The following HCN1 variants were observed in gnomAD, a reference collection of about 807,000 sequenced individuals.
HCN1 encodes hyperpolarization activated cyclic nucleotide gated potassium channel 1.
In HCN1, 13 loss-of-function variants were observed where a neutral mutation model predicts 78.9. The observed-to-expected ratio is 0.16, with a 90% CI of 0.11 to 0.26. The LOEUF (loss-of-function observed/expected upper bound fraction) is 0.26, where lower values mean the gene tolerates loss of function less well. Among genes scored for constraint, HCN1 ranks in the 10% least tolerant of loss-of-function variants. HCN1 has a pLI of 1.00. For missense variants in HCN1, 810 were observed against 1,154.3 expected (o/e 0.70, Z 4.32); for synonymous variants, 552 against 455.5 (o/e 1.21, Z -2.70).
chr5:45,595,685 T>C (rs72762080), intron 2 of HCN1, among the ~76,000 whole-genome samples: 21 of 152,272 alleles, frequency 1.4e-4, no homozygotes, highest in Non-Finnish European at 1.3e-4. Flanking sequence ...ATGCTGGCTC[T>C]TCCCCTTAAG....
intron 2 of HCN1, among the ~76,000 whole-genome samples, chr5:45,503,317 A>G (rs1742228562): frequency 6.6e-6 from 1 of 152,190 alleles, no homozygotes; most frequent in South Asian, 2.1e-4. Context: ...TTTTGAAGTT[A>G]GCAAACTCCA....
At chr5:45,336,635 G>T (rs1746462710) in intron 5 of HCN1, among the ~76,000 whole-genome samples, 1 of 152,152 alleles carries the variant, frequency 6.6e-6, no homozygotes, top group South Asian at 2.1e-4. Flanking sequence ...TGTAGCAATG[G>T]TTTTATCCAA....
intron 1 of HCN1, 47 bp from the exon 2 acceptor site, chr5:45,645,655 G>A (rs1745534570): frequency 2.4e-6 from 3 of 1,256,976 alleles, no homozygotes; most frequent in South Asian, 1.3e-5. Flanking sequence ...AAAATAACCA[G>A]CCTATCCCCC....
intron 3 of HCN1, among the ~76,000 whole-genome samples, chr5:45,422,719 T>A (rs1740252960): frequency 6.6e-6 from 1 of 152,212 alleles, no homozygotes; most frequent in South Asian, 2.1e-4. Context: ...AGCAATAGTT[T>A]TTTTATTCAC....
chr5:45,327,342 T>G (rs1276780726), intron 5 of HCN1, among the ~76,000 whole-genome samples: 1 of 151,716 alleles, frequency 6.6e-6, no homozygotes, highest in Non-Finnish European at 1.5e-5. Context: ...AAGACTTAAT[T>G]CTGTGAGAAA....
intron 3 of HCN1, among the ~76,000 whole-genome samples, chr5:45,439,221 T>A (rs1054384927): frequency 6.6e-6 from 1 of 152,108 alleles, no homozygotes; most frequent in African/African-American, 2.4e-5. Context: ...ATATTTTCCT[T>A]ATGAATTTTA....
At chr5:45,376,059 CAATAT>C (rs1482081079) in intron 4 of HCN1, among the ~76,000 whole-genome samples, 1 of 104,768 alleles carries the variant, frequency 9.5e-6, no homozygotes, top group Non-Finnish European at 1.7e-5. Flanking sequence ...ATATTATATA[CAATAT>C]AATATGTTAT....
At chr5:45,321,766 A>G (rs1746131389) in intron 5 of HCN1, among the ~76,000 whole-genome samples, 3 of 151,834 alleles carry the variant, frequency 2.0e-5, no homozygotes, top group Non-Finnish European at 4.4e-5. Context: ...TTAAACATAC[A>G]TGGTTCTAGT....
chr5:45,484,433 T>TAA (rs542294680), intron 2 of HCN1, among the ~76,000 whole-genome samples: 5 of 147,818 alleles, frequency 3.4e-5, no homozygotes, highest in African/African-American at 1.2e-4. Flanking sequence ...GACGCCATCT[T>TAA]AAAAAAAAAA....
intron 5 of HCN1, among the ~76,000 whole-genome samples, chr5:45,314,071 A>G (rs1745919885): frequency 6.6e-6 from 1 of 152,206 alleles, no homozygotes; most frequent in Non-Finnish European, 1.5e-5. Flanking sequence ...CAGATTCACC[A>G]AAGTTGAAAT....
At chr5:45,636,941 T>C (rs946121536) in intron 2 of HCN1, among the ~76,000 whole-genome samples, 27 of 152,256 alleles carry the variant, frequency 1.8e-4, no homozygotes, top group African/African-American at 6.5e-4. Flanking sequence ...GAGATTTTTA[T>C]ATTTTAAATT....
chr5:45,674,780 A>G (rs576654591), intron 1 of HCN1, among the ~76,000 whole-genome samples: 7 of 151,766 alleles, frequency 4.6e-5, no homozygotes, highest in Non-Finnish European at 8.8e-5. Flanking sequence ...TGCATTTTCA[A>G]TAAGATATGC....
intron 1 of HCN1, among the ~76,000 whole-genome samples, chr5:45,646,845 T>C (rs1030587462): frequency 1.3e-5 from 2 of 152,062 alleles, no homozygotes; most frequent in African/African-American, 4.8e-5. Context: ...GAAACATGAG[T>C]TACTTTATCC....
Position 45,261,870 on chromosome 5 carries a change from A to ATAG in HCN1, c.*48_*50dup. 6.2e-7 allele frequency: 1 copy of ATAG among 1,607,104 alleles called. No homozygotes were observed. The highest frequency in any genetic ancestry group is 8.5e-7 in the Non-Finnish European group (1 of 1,174,832). On this transcript the variant is annotated 3_prime_UTR_variant, in exon 8 of 8. Transcript: ENST00000303230. ...AGATAGAATAAAATAAGATCTGAGT[A>ATAG]TAGTCTCAGTTTATGAGAGTATTTC...
intron 2 of HCN1, among the ~76,000 whole-genome samples, chr5:45,622,589 A>G (rs1745090287): frequency 6.6e-6 from 1 of 152,138 alleles, no homozygotes; most frequent in African/African-American, 2.4e-5. Context: ...ATAGGAAGCT[A>G]GCTGGATGAG....
chr5:45,255,145 G>A lies in HCN1; in HGVS notation c.*6776C>T, dbSNP rs552772863. ...TCTCTTCCCTGGTTCTAACTAGCAAGTGCCAGGAGGCAGGCTGGGTTAGAC... is the reference window on the plus strand; with the variant it reads ...TCTCTTCCCTGGTTCTAACTAGCAAATGCCAGGAGGCAGGCTGGGTTAGAC... On this transcript the variant is annotated 3_prime_UTR_variant, in exon 8 of 8. Transcript: ENST00000303230. 4.6e-5 allele frequency: 7 copies of A among 152,304 alleles called. No homozygotes were observed. In the East Asian group the frequency reaches 1.3e-3, roughly 29 times the overall value. The allele number at this position is 152,304 out of a possible 1,614,324, so 9.4% of individuals were successfully genotyped here.
intron 1 of HCN1, among the ~76,000 whole-genome samples, chr5:45,677,977 TACACACAC>T (rs1023550074): frequency 6.9e-6 from 1 of 145,146 alleles, no homozygotes; most frequent in Admixed American, 6.9e-5. Flanking sequence ...ATTAAACACA[TACACACAC>T]ACATACACAC....
chr5:45,478,827 G>T (rs1220451062), intron 2 of HCN1, among the ~76,000 whole-genome samples: 1 of 152,024 alleles, frequency 6.6e-6, no homozygotes, highest in East Asian at 1.9e-4. Flanking sequence ...AAGTAATAAA[G>T]AATAAGCTGA....
chr5:45,501,496 G>A (rs1488295053), intron 2 of HCN1, among the ~76,000 whole-genome samples: 4 of 151,796 alleles, frequency 2.6e-5, no homozygotes, highest in Admixed American at 6.6e-5. Context: ...GTGTAGTGGC[G>A]TGACCTCGGC....
Sources: gnomAD v4.1 joint callset for allele counts (sites outside exome capture counted in the v4.1 genomes callset) on GRCh38, gnomAD v4.1.1 for gene constraint, MANE v1.5 for transcripts, NCBI Gene and HGNC (gene_info 2026-07-23, HGNC 2026-07-21) for gene names.